RBMS3: variants seen among roughly 807,000 people sequenced by gnomAD.
The protein encoded by RBMS3 is RNA-binding motif, single-stranded-interacting protein 3.
RBMS3 carries 27 observed loss-of-function variants against 66.8 expected under a neutral mutation model. That is an observed-to-expected ratio of 0.40 (90% confidence interval 0.30 to 0.56). The LOEUF (loss-of-function observed/expected upper bound fraction) is 0.56. RBMS3 is among the 20% of genes least tolerant of loss of function. The pLI, the probability that RBMS3 is intolerant of heterozygous loss-of-function variation, is 0.40. For missense variants in RBMS3, 513 were observed against 549.5 expected (o/e 0.93, Z 0.66); for synonymous variants, 188 against 183.0 (o/e 1.03, Z -0.22).
intron 3 of RBMS3, among the ~76,000 whole-genome samples, chr3:29,541,561 A>G (rs1576170645): frequency 6.6e-6 from 1 of 152,252 alleles, no homozygotes; most frequent in South Asian, 2.1e-4. Flanking sequence ...GTGTAAGCGC[A>G]GGTGTCTGTC....
intron 1 of RBMS3, among the ~76,000 whole-genome samples, chr3:29,367,512 A>C (rs2037974183): frequency 6.6e-6 from 1 of 152,130 alleles, no homozygotes; most frequent in South Asian, 2.1e-4. Flanking sequence ...TCCATATTCC[A>C]AATTGGCTGT....
chr3:29,917,640 T>G (rs2060672076), intron 10 of RBMS3, among the ~76,000 whole-genome samples: 1 of 151,990 alleles, frequency 6.6e-6, no homozygotes, highest in African/African-American at 2.4e-5. Flanking sequence ...TTGGTGGGAT[T>G]CTCTTAGAGA....
At chr3:29,870,966 G>T (rs2059477702) in intron 7 of RBMS3, among the ~76,000 whole-genome samples, 1 of 152,108 alleles carries the variant, frequency 6.6e-6, no homozygotes, top group Non-Finnish European at 1.5e-5. Context: ...TGTGGTCTTA[G>T]AAGTAAATAC....
chr3:29,316,765 A>G (rs2034703761), intron 1 of RBMS3, among the ~76,000 whole-genome samples: 1 of 151,692 alleles, frequency 6.6e-6, no homozygotes, highest in Non-Finnish European at 1.5e-5. Context: ...CTAATCTTCT[A>G]TTCCGGACTA....
chr3:29,552,949 T>C (rs1331337402), intron 3 of RBMS3, among the ~76,000 whole-genome samples: 1 of 152,196 alleles, frequency 6.6e-6, no homozygotes, highest in African/African-American at 2.4e-5. Context: ...AAAACCTTGT[T>C]CTGCCACTAG....
At chr3:29,988,812 T>G (rs1205996074) in intron 13 of RBMS3, among the ~76,000 whole-genome samples, 2 of 152,168 alleles carry the variant, frequency 1.3e-5, no homozygotes, top group African/African-American at 4.8e-5. Flanking sequence ...ATGTAGACTT[T>G]TAGGTACTAT....
At chr3:29,390,997 G>A in intron 1 of RBMS3, 1 of 326,192 alleles carries the variant, frequency 3.1e-6, no homozygotes, top group Non-Finnish European at 6.7e-6. Context: ...CCATCTCTGT[G>A]TTTACATTCA....
At chr3:29,718,706 G>C (rs1003973914) in intron 4 of RBMS3, among the ~76,000 whole-genome samples, 8 of 152,126 alleles carry the variant, frequency 5.3e-5, no homozygotes, top group African/African-American at 1.9e-4. Flanking sequence ...GCACATGCTT[G>C]GTATGTAACT....
At chr3:29,734,714 G>T (rs2054302108) in intron 4 of RBMS3, among the ~76,000 whole-genome samples, 1 of 152,102 alleles carries the variant, frequency 6.6e-6, no homozygotes, top group South Asian at 2.1e-4. Context: ...AATATGTACA[G>T]AAATTGAGAG....
chr3:29,575,121 TAACATCTTCTTCTTTC>T (rs1181392749), intron 3 of RBMS3, among the ~76,000 whole-genome samples: 2 of 152,214 alleles, frequency 1.3e-5, no homozygotes, highest in Non-Finnish European at 2.9e-5. Context: ...TCTTGCTCAC[TAACATCTTCTTCTTTC>T]AGATTGAAGA....
intron 1 of RBMS3, chr3:29,290,639 C>A (rs2032735655): frequency 6.6e-6 from 1 of 151,618 alleles, no homozygotes; most frequent in South Asian, 2.1e-4. Context: ...CAATGTATTT[C>A]AAAAAAATTA....
chr3:29,760,805 C>G (rs2055648855), intron 5 of RBMS3, among the ~76,000 whole-genome samples: 1 of 152,130 alleles, frequency 6.6e-6, no homozygotes, highest in Non-Finnish European at 1.5e-5. Context: ...CTTATCCAAA[C>G]ATCTTCTGAT....
chr3:29,474,910 C>A (rs1462868231), intron 2 of RBMS3, among the ~76,000 whole-genome samples: 1 of 152,110 alleles, frequency 6.6e-6, no homozygotes, highest in Non-Finnish European at 1.5e-5. Flanking sequence ...TTTAAGGGTT[C>A]ACACTGGGGA....
rs868652681 is a variant in RBMS3 at position 30,008,741 on chromosome 3, T to C, written c.*4879T>C. On this transcript the variant is annotated 3_prime_UTR_variant, in exon 15 of 15. Coordinates refer to ENST00000383767, the MANE Select transcript of RBMS3 (RefSeq NM_001003793.3). Reference sequence around the variant, plus strand: ...ATCCACTGTGGCATTGGAAGACAGTTGGGTCTGACTCAAGTTTAACATTTC... The same window carrying C: ...ATCCACTGTGGCATTGGAAGACAGTCGGGTCTGACTCAAGTTTAACATTTC... 6.6e-6 allele frequency: 1 copy of C among 152,142 alleles called. No homozygotes were observed. Among genetic ancestry groups the C allele is most frequent in the Non-Finnish European group, 1.5e-5 (1 of 67,990 alleles). The allele number at this position is 152,142 out of a possible 1,614,324, so 9.4% of individuals were successfully genotyped here.
intron 3 of RBMS3, among the ~76,000 whole-genome samples, chr3:29,578,392 A>G (rs1266115833): frequency 6.6e-6 from 1 of 152,170 alleles, no homozygotes; most frequent in Non-Finnish European, 1.5e-5. Context: ...AAACTCTAAT[A>G]CTTAGTTAAA....
intron 4 of RBMS3, among the ~76,000 whole-genome samples, chr3:29,701,809 G>A (rs760175554): frequency 4.6e-5 from 7 of 151,778 alleles, no homozygotes; most frequent in East Asian, 1.9e-4. Context: ...GTCTCCCAGC[G>A]GGGCAGGGCT....
At chr3:29,629,420 A>C (rs1404745228) in intron 4 of RBMS3, among the ~76,000 whole-genome samples, 3 of 152,122 alleles carry the variant, frequency 2.0e-5, no homozygotes, top group Non-Finnish European at 4.4e-5. Context: ...GTTATACAAA[A>C]ATATATTCTC....
chr3:29,471,448 A>G (rs2042722294), intron 2 of RBMS3, among the ~76,000 whole-genome samples: 1 of 152,196 alleles, frequency 6.6e-6, no homozygotes, highest in East Asian at 1.9e-4. Flanking sequence ...TGGCTTCCCC[A>G]CGATTAAAGT....
chr3:29,754,265 A>G (rs1417060849), intron 5 of RBMS3, among the ~76,000 whole-genome samples: 3 of 152,208 alleles, frequency 2.0e-5, no homozygotes, highest in Non-Finnish European at 4.4e-5. Context: ...AAGATGGGAA[A>G]ACTCTAAGAA....
Sources: allele counts gnomAD v4.1 joint callset (sites outside exome capture counted in the v4.1 genomes callset), GRCh38; gene constraint gnomAD v4.1.1; transcripts MANE v1.5; gene names NCBI Gene and HGNC (gene_info 2026-07-23, HGNC 2026-07-21).